The following SH2B2 variants were observed in gnomAD, a reference collection of about 807,000 sequenced individuals.
The protein encoded by SH2B2 is SH2B adaptor protein 2.
A neutral mutation model predicts 35.7 loss-of-function variants in SH2B2; 37 were observed. The ratio of observed to expected loss-of-function variants is 1.04; its 90% confidence interval spans 0.80 to 1.36. The LOEUF (loss-of-function observed/expected upper bound fraction) is 1.36. Ranked by LOEUF, SH2B2 falls within the 40% of genes most tolerant of loss-of-function variation. The probability of loss-of-function intolerance (pLI) is 0.00; values close to 1 mark genes in which losing one functional copy is unlikely to be tolerated. For missense variants in SH2B2, 852 were observed against 817.7 expected (o/e 1.04, Z -0.51); for synonymous variants, 383 against 376.4 (o/e 1.02, Z -0.20).
intron 2 of SH2B2, among the ~76,000 whole-genome samples, chr7:102,305,140 G>A (rs1554554604): frequency 6.6e-6 from 1 of 152,260 alleles, no homozygotes; most frequent in Non-Finnish European, 1.5e-5. Flanking sequence ...GAAACAGTGA[G>A]CCCCGTTCTG....
chr7:102,301,199 C>T lies in SH2B2; in HGVS notation c.649C>T (p.Gln217Ter). ...DAAAGSGGSAQWQKCRLLLRR... is the reference protein window; with the variant it reads ...DAAAGSGGSA ...GGCCGCGGGCTCCGGGGGCTCGGCT[C>T]AGTGGCAGAAGTGCCGCCTGCTCCT... Residue 217 changes from glutamine (Q) to a stop codon, truncating the protein, a stop_gained, in exon 2 of 9, where the codon CAG (glutamine) becomes TAG (stop). Coordinates refer to ENST00000444095, the MANE Select transcript of SH2B2 (RefSeq NM_001359228.2). LOFTEE classifies it high-confidence loss of function. The T allele has an allele frequency of 6.3e-7, 1 of 1,591,880 alleles. No homozygotes were observed. The highest frequency in any genetic ancestry group is 8.5e-7 in the Non-Finnish European group (1 of 1,171,006).
In SH2B2 at chr7:102,321,532, C is replaced by T; in HGVS notation, c.1801C>T (p.Arg601Cys). The T allele has an allele frequency of 1.7e-6, 2 of 1,144,500 alleles. No individual in the cohort carries two copies. Among genetic ancestry groups the T allele is most frequent in the Non-Finnish European group, 2.1e-6 (2 of 932,870 alleles). 70.9% of individuals were successfully genotyped at this position (1,144,500 alleles called of 1,614,324 possible). Reference protein sequence around the residue: ...SARSRSNSAERLLEAVAATAA... With the variant: ...SARSRSNSAECLLEAVAATAA... ...GCGGAGCCGCAGCAACAGCGCCGAGCGCCTGCTGGAGGCCGTGGCCGCCAC... is the reference window on the plus strand; with the variant it reads ...GCGGAGCCGCAGCAACAGCGCCGAGTGCCTGCTGGAGGCCGTGGCCGCCAC... The change falls in exon 9 of 9, where the codon CGC (arginine) becomes TGC (cysteine). Residue 601 changes from arginine (R) to cysteine (C), a missense_variant. Physicochemically the swap from Arg to Cys is radical, Grantham distance 180. Transcript: ENST00000444095.
chr7:102,295,373 G>A (rs1792861911), intron 1 of SH2B2, among the ~76,000 whole-genome samples: 1 of 152,188 alleles, frequency 6.6e-6, no homozygotes, highest in Admixed American at 6.5e-5. Flanking sequence ...TGGGCTTGGA[G>A]CTCAGGGACA....
chr7:102,286,473 C>A (rs1278821797), upstream of SH2B2, among the ~76,000 whole-genome samples: 4 of 152,166 alleles, frequency 2.6e-5, no homozygotes, highest in African/African-American at 4.8e-5. Flanking sequence ...GCAGGACATT[C>A]CCCCGGCCCC....
intron 4 of SH2B2, among the ~76,000 whole-genome samples, chr7:102,313,147 A>G (rs2133020503): frequency 6.7e-6 from 1 of 149,878 alleles, no homozygotes. Context: ...AAAAAAAAAA[A>G]AAAAGACGTG....
chr7:102,292,904 C>T (rs1792730481), intron 1 of SH2B2, among the ~76,000 whole-genome samples: 1 of 152,094 alleles, frequency 6.6e-6, no homozygotes, highest in South Asian at 2.1e-4. Context: ...GGGGCGCAGC[C>T]TTTTGAGGTG....
chr7:102,296,693 G>A (rs1792933135), intron 1 of SH2B2, among the ~76,000 whole-genome samples: 4 of 152,216 alleles, frequency 2.6e-5, no homozygotes, highest in Admixed American at 2.0e-4. Flanking sequence ...TTCCTGGATT[G>A]GGGATTCAAA....
At position 102,300,747 on chromosome 7, in the gene SH2B2, C is replaced by T. The variant is rs1554553493; in HGVS notation, c.197C>T (p.Ala66Val). Residue 66 changes from alanine to valine, a missense_variant, in exon 2 of 9, where the codon GCC becomes GTC. Coordinates refer to ENST00000444095, the MANE Select transcript of SH2B2 (RefSeq NM_001359228.2). The stretch of plus-strand genomic sequence containing the variant: ...GGCGCCTCCTTCTCCCGCCACTTCG[C>T]CGCCAACTTCCTGGACGTCTTCGGC... Reference protein sequence around the residue: ...DAGASFSRHFAANFLDVFGEE... With the variant: ...DAGASFSRHFVANFLDVFGEE... 1 of 1,540,278 alleles carries T rather than the reference C, an allele frequency of 6.5e-7. No individual in the cohort carries two copies. Among genetic ancestry groups the T allele is most frequent in the Non-Finnish European group, 8.8e-7 (1 of 1,139,868 alleles).
chr7:102,308,768 C>A (rs1554555348), intron 3 of SH2B2, 47 bp from the exon 4 acceptor site: 1 of 1,395,414 alleles, frequency 7.2e-7, no homozygotes, highest in Non-Finnish European at 1.0e-6. Flanking sequence ...TGGTCTGGAG[C>A]CCATCTGCTG....
chr7:102,307,064 C>A (rs1335045761), intron 3 of SH2B2, among the ~76,000 whole-genome samples: 3 of 152,248 alleles, frequency 2.0e-5, no homozygotes, highest in African/African-American at 7.2e-5. Flanking sequence ...CCCTTGCTCC[C>A]ATTTACCCCT....
upstream of SH2B2, among the ~76,000 whole-genome samples, chr7:102,285,564 C>T (rs1465105026): frequency 2.0e-5 from 3 of 152,222 alleles, no homozygotes; most frequent in East Asian, 3.9e-4. Context: ...AGGGCAGCAC[C>T]GGGGTTTTGG....
chr7:102,307,383 G>A (rs1793445983), intron 3 of SH2B2, among the ~76,000 whole-genome samples: 1 of 152,190 alleles, frequency 6.6e-6, no homozygotes, highest in Admixed American at 6.5e-5. Context: ...CTGGGCATCC[G>A]CAAAGGATCA....
rs1383286167 is a variant in SH2B2 at position 102,301,036 on chromosome 7, G to C, written c.486G>C (p.Ala162=). 2 of 1,377,538 alleles carry C rather than the reference G, an allele frequency of 1.5e-6. No individual in the cohort carries two copies. The allele number at this position is 1,377,538 out of a possible 1,614,324, so 85.3% of individuals were successfully genotyped here. Residue 162 remains alanine (A), a synonymous_variant, in exon 2 of 9, where the codon GCG becomes GCC. Coordinates refer to ENST00000444095, the MANE Select transcript of SH2B2 (RefSeq NM_001359228.2). ...WHRRASPEPD[A]AAAPRTAEPR... is the part of the protein sequence containing the mutation. Reference sequence around the variant, plus strand: ...GGCGCGCCTCGCCCGAGCCCGACGCGGCAGCTGCCCCGCGCACCGCCGAGC... The same window carrying C: ...GGCGCGCCTCGCCCGAGCCCGACGCCGCAGCTGCCCCGCGCACCGCCGAGC...
chr7:102,306,795 A>G lies in SH2B2; in HGVS notation c.804A>G (p.Pro268=), dbSNP rs782426559. The stretch of plus-strand genomic sequence containing the variant: ...GCACCACCATGCCCCTGGAAATGCC[A>G]GAGAAGGATAACACATTCGTCCTCA... ...EVRTTMPLEM[P]EKDNTFVLKV... The change falls in exon 3 of 9, where the codon CCA becomes CCG. Residue 268 remains proline, a synonymous_variant. Coordinates refer to ENST00000444095, the MANE Select transcript of SH2B2 (RefSeq NM_001359228.2). The G allele has an allele frequency of 4.4e-6, 7 of 1,594,024 alleles. No homozygotes were observed. The highest frequency in any genetic ancestry group is 2.3e-5 in the East Asian group (1 of 43,812).
upstream of SH2B2, chr7:102,285,358 C>T (rs1431393758): frequency 4.9e-6 from 4 of 821,492 alleles, no homozygotes; most frequent in African/African-American, 6.8e-5. Flanking sequence ...TCGGGCACCC[C>T]CTCCTCCCCC....
At chr7:102,290,916 T>C (rs1554551699) in intron 1 of SH2B2, among the ~76,000 whole-genome samples, 2 of 152,238 alleles carry the variant, frequency 1.3e-5, no homozygotes, top group African/African-American at 4.8e-5. Context: ...ACAAATTGCT[T>C]ATTTAATCTT....
chr7:102,310,892 AC>A (rs1397153495), intron 4 of SH2B2, among the ~76,000 whole-genome samples: 3 of 152,056 alleles, frequency 2.0e-5, no homozygotes, highest in African/African-American at 7.2e-5. Context: ...GAGGGTCTGC[AC>A]GGGATCCCAG....
chr7:102,306,693 C>T (rs1554554897), intron 2 of SH2B2, 28 bp from the exon 3 acceptor site: 15 of 1,507,664 alleles, frequency 9.9e-6, no homozygotes, highest in South Asian at 3.6e-5. Context: ...ATGCTGGGGC[C>T]ACTCACTATC....
At chr7:102,300,409 T>C in intron 1 of SH2B2, 113 bp from the exon 2 acceptor site, 2 of 1,298,676 alleles carry the variant, frequency 1.5e-6, no homozygotes, top group Non-Finnish European at 1.0e-6. Flanking sequence ...CACGTGTGCA[T>C]GTACACACAC....
Sources: allele counts gnomAD v4.1 joint callset (sites outside exome capture counted in the v4.1 genomes callset), GRCh38; gene constraint gnomAD v4.1.1; transcripts MANE v1.5; gene names NCBI Gene and HGNC (gene_info 2026-07-23, HGNC 2026-07-21).